The following AGAP1 variants were observed in gnomAD, a reference collection of about 807,000 sequenced individuals.
AGAP1 encodes ArfGAP with GTPase domain, ankyrin repeat and PH domain 1.
Under a neutral mutation model 105.3 loss-of-function variants are expected in AGAP1, and 29 were observed. That is an observed-to-expected ratio of 0.28 (90% confidence interval 0.21 to 0.38). The LOEUF is 0.38. Among genes scored for constraint, AGAP1 ranks in the 10% least tolerant of loss-of-function variants. AGAP1 has a pLI of 1.00. For synonymous variants in AGAP1, 509 were observed against 485.9 expected, an observed-to-expected ratio of 1.05 and a Z score of -0.63; for missense variants, 998 against 1,165.1, an observed-to-expected ratio of 0.86 and a Z score of 2.09.
In AGAP1 at chr2:235,979,738, G is replaced by C. The variant is rs963656385; in HGVS notation, c.1645+11115G>C. Among the ~76,000 whole-genome samples, 1 of 152,146 alleles carries C rather than the reference G, an allele frequency of 6.6e-6. No homozygotes were observed. Among genetic ancestry groups the C allele is most frequent in the Non-Finnish European group, 1.5e-5 (1 of 68,038 alleles). ...GCTGCAATATGAAAATCTATCAAAT[G>C]GGTAAAATCAATGACATTGTATCAG... On this transcript the variant is annotated intron_variant, in intron 13 of 17. Transcript: ENST00000304032. This position sits in a 1 kb window ranked among gnomAD's most constrained non-coding sequence, Gnocchi z 4.5.
intron 13 of AGAP1, among the ~76,000 whole-genome samples, chr2:235,972,727 A>C (rs907836407): frequency 1.3e-5 from 2 of 152,196 alleles, no homozygotes; most frequent in Non-Finnish European, 2.9e-5. Context: ...TCCCAGGACC[A>C]AGACAAAACC....
chr2:235,861,588 C>G (rs1327560612), intron 9 of AGAP1, among the ~76,000 whole-genome samples: 1 of 152,222 alleles, frequency 6.6e-6, no homozygotes, highest in African/African-American at 2.4e-5. Flanking sequence ...ACATGCACTA[C>G]CTATGTTTAG....
intron 13 of AGAP1, among the ~76,000 whole-genome samples, chr2:236,019,487 A>G (rs1482348561): frequency 6.6e-6 from 1 of 152,204 alleles, no homozygotes; most frequent in East Asian, 1.9e-4. Flanking sequence ...GAAATTTCCA[A>G]CATCCTGTCG....
Position 235,930,859 on chromosome 2 carries a change from C to G in AGAP1, c.1419C>G (p.Tyr473Ter). The change falls in exon 12 of 18, where the codon TAC (tyrosine) becomes TAG (stop). Residue 473 changes from tyrosine (Y) to a stop codon, truncating the protein, a stop_gained. Transcript: ENST00000304032. LOFTEE classifies it high-confidence loss of function. This position sits in a 1 kb window ranked among gnomAD's most constrained non-coding sequence, Gnocchi z 7.9. Reference protein sequence around the residue: ...SRPDGMHQRSYSVSSADQWSE... With the variant: ...SRPDGMHQRS ...CCGACGGCATGCACCAGCGCTCCTA[C>G]TCAGTCTCCAGTGCCGACCAGTGGA... The G allele has an allele frequency of 6.2e-7, 1 of 1,614,198 alleles. No individual in the cohort carries two copies. Among genetic ancestry groups the G allele is most frequent in the Non-Finnish European group, 8.5e-7 (1 of 1,180,036 alleles).
chr2:235,688,661 C>T (rs1340820243), intron 1 of AGAP1, among the ~76,000 whole-genome samples: 1 of 152,190 alleles, frequency 6.6e-6, no homozygotes, highest in Non-Finnish European at 1.5e-5. Context: ...AGATTTTCGT[C>T]ATGACCACGT....
At position 235,535,274 on chromosome 2, in the gene AGAP1, C is replaced by T. The variant is rs1943173813; in HGVS notation, c.163+40425C>T. On this transcript the variant is annotated intron_variant, in intron 1 of 17. Coordinates refer to ENST00000304032, the MANE Select transcript of AGAP1 (RefSeq NM_001037131.3). The surrounding 1 kb of genome is among the most constrained non-coding windows in gnomAD (Gnocchi z 5.1). ...GCTGCTGCCTCCCGTTTCATCTGCA[C>T]GTCTCTTTCAATGCGGGCGTGCGAA... Among the ~76,000 whole-genome samples the T allele has an allele frequency of 6.6e-6, 1 of 152,204 alleles. No individual in the cohort carries two copies. The highest frequency in any genetic ancestry group is 1.5e-5 in the Non-Finnish European group (1 of 68,004).
At chr2:235,897,571 G>T (rs1219274703) in intron 10 of AGAP1, among the ~76,000 whole-genome samples, 2 of 152,158 alleles carry the variant, frequency 1.3e-5, no homozygotes, top group Non-Finnish European at 2.9e-5. Flanking sequence ...TGATATGTCA[G>T]ATCGTCTCTG....
At position 235,962,845 on chromosome 2, in the gene AGAP1, T is replaced by C. The variant is rs564879132; in HGVS notation, c.1484-5617T>C. The stretch of plus-strand genomic sequence containing the variant: ...GGCTGTCCTGTGCATTGTAGGGCAT[T>C]TTTCAGCACCTCTGGCTTCTACCAT... On this transcript the variant is annotated intron_variant, in intron 12 of 17. Transcript: ENST00000304032. The surrounding 1 kb of genome is among the most constrained non-coding windows in gnomAD (Gnocchi z 5.3). Among the ~76,000 whole-genome samples the C allele has an allele frequency of 5.9e-5, 9 of 152,236 alleles. No homozygotes were observed. In the South Asian group the frequency reaches 6.2e-4, roughly 11 times the overall value.
chr2:235,896,559 G>A (rs1247096945), intron 10 of AGAP1, among the ~76,000 whole-genome samples: 1 of 152,212 alleles, frequency 6.6e-6, no homozygotes, highest in Non-Finnish European at 1.5e-5. Flanking sequence ...AACTGTGCAG[G>A]CTTCATAACA....
In AGAP1 at chr2:235,993,583, T is replaced by C. The variant is rs1210178266; in HGVS notation, c.1645+24960T>C. On this transcript the variant is annotated intron_variant, in intron 13 of 17. Transcript: ENST00000304032. The surrounding 1 kb of genome is among the most constrained non-coding windows in gnomAD (Gnocchi z 5.0). ...AACCAATGCTTCCCAAAGTTCACAT[T>C]GTGGAAACTGAAGCCAGCAAGATAC... 6.6e-6 allele frequency among the ~76,000 whole-genome samples: 1 copy of C among 152,232 alleles called. No homozygotes were observed. Among genetic ancestry groups the C allele is most frequent in the Non-Finnish European group, 1.5e-5 (1 of 68,030 alleles).
rs1331805519 is a variant in AGAP1, at chr2:236,005,903, A to G, written c.1646-30658A>G. Among the ~76,000 whole-genome samples, 2 of 152,214 alleles carry G rather than the reference A, an allele frequency of 1.3e-5. No homozygotes were observed. The highest frequency in any genetic ancestry group is 3.8e-4 in the East Asian group (2 of 5,196). ...AGTGTCTGTCAAGTTATTCTGCTGT[A>G]AAGTCATTGTGCCCCTCCACAGCCC... On this transcript the variant is annotated intron_variant, in intron 13 of 17. Coordinates refer to ENST00000304032, the MANE Select transcript of AGAP1 (RefSeq NM_001037131.3). The surrounding 1 kb of genome is among the most constrained non-coding windows in gnomAD (Gnocchi z 4.1).
chr2:235,541,376 CTTTTTTTT>C (rs556785424), intron 1 of AGAP1, among the ~76,000 whole-genome samples: 7 of 91,090 alleles, frequency 7.7e-5, no homozygotes, highest in Admixed American at 2.8e-4. Context: ...CATTCTTATT[CTTTTTTTT>C]TTTTTTTTTT....
In AGAP1 at chr2:235,729,335, A is replaced by G. The variant is rs1302983627; in HGVS notation, c.311-11628A>G. 6.6e-6 allele frequency among the ~76,000 whole-genome samples: 1 copy of G among 151,978 alleles called. No individual in the cohort carries two copies. Among genetic ancestry groups the G allele is most frequent in the South Asian group, 2.1e-4 (1 of 4,792 alleles). On this transcript the variant is annotated intron_variant, in intron 3 of 17. Transcript: ENST00000304032. The surrounding 1 kb of genome is among the most constrained non-coding windows in gnomAD (Gnocchi z 5.0). ...TGGCAGCCACTTCAACTTGGGCAGC[A>G]TCTCGGCTGGGAGCCCCAGGGAGCC...
chr2:235,770,508 A>G (rs1056731570), intron 6 of AGAP1, among the ~76,000 whole-genome samples: 2 of 152,064 alleles, frequency 1.3e-5, no homozygotes, highest in African/African-American at 4.8e-5. Flanking sequence ...GCTCACTGCA[A>G]CTGCCGCCTC....
At position 235,828,201 on chromosome 2, in the gene AGAP1, T is replaced by G. The variant is rs1959168022; in HGVS notation, c.1050+20870T>G. Among the ~76,000 whole-genome samples the G allele has an allele frequency of 2.6e-5, 4 of 152,334 alleles. 1 individual carries two copies. The Middle Eastern group carries it at 0.01, about 389-fold the overall frequency. ...GGAATTGATGGAAGAGGAAGTATTTTGAACTCAGTGAAATGAGCATTCCTC... is the reference window on the plus strand; with the variant it reads ...GGAATTGATGGAAGAGGAAGTATTTGGAACTCAGTGAAATGAGCATTCCTC... On this transcript the variant is annotated intron_variant, in intron 9 of 17. Coordinates refer to ENST00000304032, the MANE Select transcript of AGAP1 (RefSeq NM_001037131.3).
chr2:235,783,451 G>C, intron 6 of AGAP1: 1 of 466,232 alleles, frequency 2.1e-6, no homozygotes, highest in Non-Finnish European at 4.4e-6. Context: ...TGTTCTCATA[G>C]AGTCCTGTTA....
At chr2:236,025,981 T>A (rs1359295162) in intron 13 of AGAP1, among the ~76,000 whole-genome samples, 3 of 151,740 alleles carry the variant, frequency 2.0e-5, no homozygotes, top group Non-Finnish European at 4.4e-5. Context: ...GGCAGGAGCT[T>A]CAGGGACCTC....
intron 1 of AGAP1, among the ~76,000 whole-genome samples, chr2:235,520,013 C>G (rs927598846): frequency 2.6e-5 from 4 of 152,158 alleles, no homozygotes; most frequent in African/African-American, 9.7e-5. Context: ...AACTACTGAC[C>G]TCAGGTGATT....
At position 235,969,491 on chromosome 2, in the gene AGAP1, C is replaced by T. The variant is rs1301728175; in HGVS notation, c.1645+868C>T. On this transcript the variant is annotated intron_variant, in intron 13 of 17. Transcript: ENST00000304032. Reference sequence around the variant, plus strand: ...ACCTGTGAGACCGACATGGTAAAAGCGTGTCTTCAGTGAGGGTCTCATGCC... The same window carrying T: ...ACCTGTGAGACCGACATGGTAAAAGTGTGTCTTCAGTGAGGGTCTCATGCC... Among the ~76,000 whole-genome samples, 7 of 152,160 alleles carry T rather than the reference C, an allele frequency of 4.6e-5. 1 individual carries two copies. The highest frequency in any genetic ancestry group is 1.4e-4 in the African/African-American group (6 of 41,414).
Sources: gnomAD v4.1 joint callset for allele counts (sites outside exome capture counted in the v4.1 genomes callset) on GRCh38, gnomAD v4.1.1 for gene constraint, Gnocchi (gnomAD v3.1) non-coding constraint, MANE v1.5 for transcripts, NCBI Gene and HGNC (gene_info 2026-07-23, HGNC 2026-07-21) for gene names.